MSH6: variants seen among roughly 807,000 people sequenced by gnomAD.
The protein encoded by MSH6 is DNA mismatch repair protein Msh6.
In MSH6, 85 loss-of-function variants were observed where a neutral mutation model predicts 119.1. The ratio of observed to expected loss-of-function variants is 0.71; its 90% confidence interval spans 0.60 to 0.85. The LOEUF is 0.85. Ranked by LOEUF, MSH6 falls within the 40% of genes least tolerant of loss-of-function variation. The probability of loss-of-function intolerance (pLI) is 0.00; values close to 1 mark genes in which losing one functional copy is unlikely to be tolerated. For missense variants in MSH6, 2,163 were observed against 1,655.3 expected (o/e 1.31, Z -5.32); for synonymous variants, 830 against 586.9 (o/e 1.41, Z -5.99).
intron 1 of MSH6, among the ~76,000 whole-genome samples, chr2:47,787,279 G>A (rs1668404431): frequency 6.6e-6 from 1 of 150,592 alleles, no homozygotes; most frequent in South Asian, 2.1e-4. Context: ...GGCAGAGTCA[G>A]ACCCTGTCTG....
intron 3 of MSH6, 63 bp from the exon 4 acceptor site, chr2:47,798,548 T>G (rs566686558): frequency 1.6e-5 from 25 of 1,554,378 alleles, no homozygotes; most frequent in Middle Eastern, 2.2e-4. Flanking sequence ...TAAGTTGAAC[T>G]GTCTTACATT....
At position 47,803,640 on chromosome 2, in the gene MSH6, T is replaced by C. The variant is rs757716138; in HGVS notation, c.3393T>C (p.Leu1131=). The change falls in exon 5 of 10, where the codon CTT becomes CTC. Residue 1131 remains leucine, a synonymous_variant. Coordinates refer to ENST00000234420, the MANE Select transcript of MSH6 (RefSeq NM_000179.3). ...EQENGKAYCV[L]VTGPNMGGKS... is the part of the protein sequence containing the mutation. Reference sequence around the variant, plus strand: ...AAAATGGCAAAGCCTATTGTGTGCTTGTTACTGGACCAAATATGGGGGGCA... The same window carrying C: ...AAAATGGCAAAGCCTATTGTGTGCTCGTTACTGGACCAAATATGGGGGGCA... The C allele has an allele frequency of 4.3e-6, 7 of 1,614,220 alleles. No homozygotes were observed. Among genetic ancestry groups the C allele is most frequent in the Non-Finnish European group, 5.9e-6 (7 of 1,180,030 alleles).
In MSH6 at chr2:47,800,148, C is replaced by A. The variant is rs776198410; in HGVS notation, c.2165C>A (p.Ser722Tyr). The A allele has an allele frequency of 1.9e-6, 3 of 1,614,174 alleles. No homozygotes were observed. Among genetic ancestry groups the A allele is most frequent in the South Asian group, 2.2e-5 (2 of 91,082 alleles). Residue 722 changes from serine to tyrosine, a missense_variant, in exon 4 of 10, where the codon TCT becomes TAT. Coordinates refer to ENST00000234420, the MANE Select transcript of MSH6 (RefSeq NM_000179.3). The stretch of plus-strand genomic sequence containing the variant: ...TCTGACACAGTCAGCACTACAAGAT[C>A]TGGTGCTATCTTCACCAAAGCCTAT... ...LDSDTVSTTR[S>Y]GAIFTKAYQR...
rs559125434 is a variant in MSH6, at chr2:47,800,053, C to T, written c.2070C>T (p.Tyr690=). 3.7e-6 allele frequency: 6 copies of T among 1,613,932 alleles called. No homozygotes were observed. The highest frequency in any genetic ancestry group is 4.5e-5 in the East Asian group (2 of 44,892). The change falls in exon 4 of 10, where the codon TAC becomes TAT. Residue 690 remains tyrosine (Y), a synonymous_variant. Coordinates refer to ENST00000234420, the MANE Select transcript of MSH6 (RefSeq NM_000179.3). ...CTGCTCTAGGTGGTTGTGTCTTCTACCTCAAAAAATGCCTTATTGATCAGG... is the reference window on the plus strand; with the variant it reads ...CTGCTCTAGGTGGTTGTGTCTTCTATCTCAAAAAATGCCTTATTGATCAGG... ...ALSALGGCVF[Y]LKKCLIDQEL...
At chr2:47,786,133 G>T (rs950084175) in intron 1 of MSH6, among the ~76,000 whole-genome samples, 5 of 152,140 alleles carry the variant, frequency 3.3e-5, no homozygotes, top group African/African-American at 1.2e-4. Flanking sequence ...GAAACCAGAA[G>T]GACAAATAAG....
At chr2:47,806,391 G>GT (rs768767914) in intron 8 of MSH6, 33 bp downstream of exon 8, 44 of 1,612,810 alleles carry the variant, frequency 2.7e-5, no homozygotes. Context: ...CACAAATTCG[G>GT]TTTTTTGAGA....
intron 3 of MSH6, among the ~76,000 whole-genome samples, 177 bp from the exon 4 acceptor site, chr2:47,798,434 C>T (rs1669226145): frequency 1.3e-5 from 2 of 152,178 alleles, no homozygotes; most frequent in African/African-American, 2.4e-5. Context: ...AACACAAAGC[C>T]TATTTTATAA....
At chr2:47,803,732 T>G (rs1401461948) in intron 5 of MSH6, 47 bp downstream of exon 5, 1 of 1,608,182 alleles carries the variant, frequency 6.2e-7, no homozygotes. Flanking sequence ...TTTGTGACAT[T>G]AGGAATAACA....
chr2:47,787,923 G>C (rs1423462522), intron 1 of MSH6, among the ~76,000 whole-genome samples: 2 of 152,026 alleles, frequency 1.3e-5, no homozygotes, highest in Non-Finnish European at 2.9e-5. Context: ...TGGCATTCTT[G>C]AAAACCGCAG....
rs1303047277 is a variant in MSH6 at position 47,803,514 on chromosome 2, A to G, written c.3267A>G (p.Leu1089=). 2 of 1,613,940 alleles carry G rather than the reference A, an allele frequency of 1.2e-6. No homozygotes were observed. Among genetic ancestry groups the G allele is most frequent in the African/African-American group, 1.3e-5 (1 of 74,856 alleles). Residue 1089 remains leucine, a synonymous_variant, in exon 5 of 10, where the codon TTA becomes TTG. Transcript: ENST00000234420. The part of the protein sequence containing the change: ...ILLPEDTPPF[L]ELKGSRHPCI... ...TGCCGGAAGATACCCCCCCCTTCTT[A>G]GAGCTTAAAGGATCACGCCATCCTT... is the stretch of plus-strand genomic sequence containing the variant.
intron 3 of MSH6, among the ~76,000 whole-genome samples, chr2:47,798,395 T>A (rs1430056162): frequency 6.6e-6 from 1 of 152,234 alleles, no homozygotes; most frequent in African/African-American, 2.4e-5. Flanking sequence ...AACACTTAAA[T>A]GTTAGCCTAA....
chr2:47,791,817 A>T (rs760787349), intron 2 of MSH6, among the ~76,000 whole-genome samples: 1 of 149,988 alleles, frequency 6.7e-6, no homozygotes, highest in Non-Finnish European at 1.5e-5. Flanking sequence ...GCTTGGGATT[A>T]TAGGCACACG....
chr2:47,808,515 G>T, downstream of MSH6: 2 of 1,212,584 alleles, frequency 1.6e-6, no homozygotes, highest in Non-Finnish European at 1.1e-6. Context: ...ATGACCTTTG[G>T]CTTTAAGAGG....
intron 4 of MSH6, 87 bp from the exon 5 acceptor site, chr2:47,803,333 T>A (rs2104468926): frequency 6.6e-7 from 1 of 1,522,026 alleles, no homozygotes; most frequent in South Asian, 1.1e-5. Context: ...TATAATGAAA[T>A]GTGTTATATA....
Position 47,803,456 on chromosome 2 carries a change from G to GTGA in MSH6, c.3212_3214dup (p.Asp1071dup), listed in dbSNP as rs1558386926. On this transcript the variant is annotated inframe_insertion, in exon 5 of 10. Transcript: ENST00000234420. ...TGCCTGGCTAACTATAGTCGAGGGGGTGATGGTCCTATGTGTCGCCCAGTA... is the reference window on the plus strand; with the variant it reads ...TGCCTGGCTAACTATAGTCGAGGGGGTGATGATGGTCCTATGTGTCGCCCAGTA... 6.2e-7 allele frequency: 1 copy of GTGA among 1,614,146 alleles called. No homozygotes were observed.
chr2:47,804,492 T>G (rs1414546129), intron 5 of MSH6, among the ~76,000 whole-genome samples: 1 of 151,070 alleles, frequency 6.6e-6, no homozygotes, highest in Non-Finnish European at 1.5e-5. Flanking sequence ...ATTTCCAAAC[T>G]TTTTCTTTAA....
At position 47,799,620 on chromosome 2, in the gene MSH6, A is replaced by T. The variant is rs373554374; in HGVS notation, c.1637A>T (p.Glu546Val). The part of the protein sequence containing the change: ...SKYLLSLKEK[E>V]EDSSGHTRAY... ...TATCTTCTTAGCCTCAAAGAAAAAG[A>T]GGAAGATTCTTCTGGCCATACTCGT... is the stretch of plus-strand genomic sequence containing the variant. Residue 546 changes from glutamate (E) to valine (V), a missense_variant, in exon 4 of 10, where the codon GAG (glutamate) becomes GTG (valine). Transcript: ENST00000234420. The T allele has an allele frequency of 6.2e-7, 1 of 1,614,200 alleles. No homozygotes were observed. The highest frequency in any genetic ancestry group is 1.1e-5 in the South Asian group (1 of 91,082).
At chr2:47,796,160 G>C (rs887274825) in intron 3 of MSH6, 97 bp downstream of exon 3, 11 of 1,201,252 alleles carry the variant, frequency 9.2e-6, no homozygotes, top group Non-Finnish European at 1.3e-5. Flanking sequence ...TTATATATGT[G>C]TGTGTATATG....
rs876658238 is a variant in MSH6 at position 47,800,571 on chromosome 2, A to G, written c.2588A>G (p.Glu863Gly). 18 of 1,613,962 alleles carry G rather than the reference A, an allele frequency of 1.1e-5. No individual in the cohort carries two copies. Among genetic ancestry groups the G allele is most frequent in the Non-Finnish European group, 1.5e-5 (18 of 1,180,010 alleles). Residue 863 changes from glutamate to glycine, a missense_variant, in exon 4 of 10, where the codon GAA (glutamate) becomes GGA (glycine). Glu to Gly is a moderately conservative substitution (Grantham distance 98). Coordinates refer to ENST00000234420, the MANE Select transcript of MSH6 (RefSeq NM_000179.3). ...ATTATTGATTTTCTTTCTGCTCTGG[A>G]AGGATTCAAAGTAATGTGTAAAATT... ...KKIIDFLSAL[E>G]GFKVMCKIIG...
Sources: allele counts gnomAD v4.1 joint callset (sites outside exome capture counted in the v4.1 genomes callset), GRCh38; gene constraint gnomAD v4.1.1; transcripts MANE v1.5; gene names NCBI Gene and HGNC (gene_info 2026-07-23, HGNC 2026-07-21).